ZNF804A: variants seen among roughly 807,000 people sequenced by gnomAD.
ZNF804A encodes the protein zinc finger protein 804A.
A neutral mutation model predicts 16.5 loss-of-function variants in ZNF804A; 2 were observed. The ratio of observed to expected loss-of-function variants is 0.12; its 90% CI spans 0.05 to 0.38. The LOEUF is 0.38. ZNF804A is among the 10% of genes least tolerant of loss of function. The probability of loss-of-function intolerance (pLI) is 0.99; values close to 1 mark genes in which losing one functional copy is unlikely to be tolerated. For synonymous variants in ZNF804A, 534 were observed against 489.6 expected (o/e 1.09, Z -1.20); for missense variants, 1,473 against 1,390.7 (o/e 1.06, Z -0.94).
At chr2:184,794,836 A>G (rs1040538561) in intron 1 of ZNF804A, among the ~76,000 whole-genome samples, 1 of 152,170 alleles carries the variant, frequency 6.6e-6, no homozygotes, top group African/African-American at 2.4e-5. Context: ...ATGGACAACA[A>G]AAGTGAGCAG....
intron 1 of ZNF804A, among the ~76,000 whole-genome samples, chr2:184,762,411 G>C (rs531733151): frequency 2.6e-5 from 4 of 151,866 alleles, no homozygotes; most frequent in African/African-American, 7.2e-5. Context: ...AATTTATCAA[G>C]TGTATACATA....
intron 1 of ZNF804A, among the ~76,000 whole-genome samples, chr2:184,862,487 A>G (rs976199664): frequency 1.3e-5 from 2 of 152,206 alleles, no homozygotes; most frequent in Admixed American, 6.5e-5. Flanking sequence ...TAATTGTACT[A>G]TCATTTGCAA....
chr2:184,759,053 G>A (rs575085706), intron 1 of ZNF804A, among the ~76,000 whole-genome samples: 2 of 151,290 alleles, frequency 1.3e-5, no homozygotes, highest in Non-Finnish European at 3.0e-5. Context: ...ATAGAATGTA[G>A]TATATATGTA....
At chr2:184,732,014 C>T (rs1693528366) in intron 1 of ZNF804A, among the ~76,000 whole-genome samples, 1 of 152,036 alleles carries the variant, frequency 6.6e-6, no homozygotes, top group South Asian at 2.1e-4. Flanking sequence ...TATTTTTATC[C>T]TCTTGACAGT....
chr2:184,637,696 AGGT>A (rs1691723466), intron 1 of ZNF804A, among the ~76,000 whole-genome samples: 2 of 51,810 alleles, frequency 3.9e-5, no homozygotes, highest in South Asian at 1.0e-3. Flanking sequence ...TAGCTTTTTA[AGGT>A]ATTTTATGAT....
chr2:184,670,146 C>T (rs1692319987), intron 1 of ZNF804A, among the ~76,000 whole-genome samples: 5 of 152,074 alleles, frequency 3.3e-5, no homozygotes, highest in Admixed American at 3.3e-4. Context: ...CTTTTGTCAG[C>T]CTAATTGCTA....
At chr2:184,812,670 G>A (rs1694920587) in intron 1 of ZNF804A, among the ~76,000 whole-genome samples, 5 of 151,952 alleles carry the variant, frequency 3.3e-5, no homozygotes, top group Admixed American at 2.6e-4. Flanking sequence ...CTGGGAGGTG[G>A]GTAGCTGTTG....
intron 2 of ZNF804A, among the ~76,000 whole-genome samples, chr2:184,884,836 A>G (rs951678228): frequency 2.0e-5 from 3 of 152,184 alleles, no homozygotes; most frequent in African/African-American, 7.2e-5. Context: ...AACTGAACCA[A>G]AAATTGACAA....
chr2:184,721,018 A>G (rs1176347026), intron 1 of ZNF804A, among the ~76,000 whole-genome samples: 1 of 152,170 alleles, frequency 6.6e-6, no homozygotes, highest in Non-Finnish European at 1.5e-5. Context: ...TCAATAAATG[A>G]TATTGGGAAA....
intron 1 of ZNF804A, among the ~76,000 whole-genome samples, chr2:184,768,340 G>T (rs1393214513): frequency 6.6e-6 from 1 of 151,974 alleles, no homozygotes; most frequent in East Asian, 1.9e-4. Context: ...GATATCAAAA[G>T]ACCACTATAC....
chr2:184,907,343 T>C (rs1685292224), intron 2 of ZNF804A, among the ~76,000 whole-genome samples: 1 of 152,200 alleles, frequency 6.6e-6, no homozygotes, highest in African/African-American at 2.4e-5. Flanking sequence ...TTACCTGTGA[T>C]GGCTCTTCTT....
chr2:184,885,967 T>G (rs929689632), intron 2 of ZNF804A, among the ~76,000 whole-genome samples: 2 of 152,120 alleles, frequency 1.3e-5, no homozygotes, highest in African/African-American at 4.8e-5. Flanking sequence ...AAACCAATCA[T>G]GCCTTTCCAA....
At chr2:184,635,235 G>T (rs115240732) in intron 1 of ZNF804A, among the ~76,000 whole-genome samples, 2 of 152,048 alleles carry the variant, frequency 1.3e-5, no homozygotes, top group African/African-American at 2.4e-5. Flanking sequence ...GCATTTTTCC[G>T]TATGAAACAA....
At chr2:184,730,263 A>G (rs1693491304) in intron 1 of ZNF804A, among the ~76,000 whole-genome samples, 1 of 152,130 alleles carries the variant, frequency 6.6e-6, no homozygotes, top group Admixed American at 6.6e-5. Flanking sequence ...TATTGAGCAG[A>G]AAGTACAGAA....
At chr2:184,891,591 T>C (rs1684985464) in intron 2 of ZNF804A, among the ~76,000 whole-genome samples, 1 of 152,106 alleles carries the variant, frequency 6.6e-6, no homozygotes, top group Admixed American at 6.5e-5. Context: ...GTTATTCTTT[T>C]TTTCTCAGCC....
intron 1 of ZNF804A, among the ~76,000 whole-genome samples, chr2:184,784,151 G>A (rs1694413011): frequency 1.3e-5 from 2 of 151,786 alleles, no homozygotes; most frequent in African/African-American, 4.8e-5. Flanking sequence ...CATGTTTTAG[G>A]TGGGGCTCAA....
intron 1 of ZNF804A, among the ~76,000 whole-genome samples, chr2:184,851,483 G>A (rs114199508): frequency 0.029 from 4,392 of 151,878 alleles, 94 homozygotes; most frequent in Admixed American, 0.043. Context: ...TGTCCTCCAG[G>A]TTTATTTATG....
intron 1 of ZNF804A, among the ~76,000 whole-genome samples, chr2:184,848,389 T>C (rs764446572): frequency 6.6e-6 from 1 of 152,050 alleles, no homozygotes; most frequent in African/African-American, 2.4e-5. Context: ...GCTATGAGAC[T>C]CCAATGCCCA....
intron 1 of ZNF804A, among the ~76,000 whole-genome samples, chr2:184,611,669 C>T (rs1045367347): frequency 8.1e-5 from 12 of 148,990 alleles, no homozygotes; most frequent in Non-Finnish European, 8.9e-5. Flanking sequence ...CACTAGGGGG[C>T]GACATAACAT....
Sources: allele counts gnomAD v4.1 joint callset (sites outside exome capture counted in the v4.1 genomes callset), GRCh38; gene constraint gnomAD v4.1.1; transcripts MANE v1.5; gene names NCBI Gene and HGNC (gene_info 2026-07-23, HGNC 2026-07-21).